Variants in KMT2A observed in about 807,000 individuals in gnomAD.
KMT2A encodes the protein histone-lysine N-methyltransferase 2A.
KMT2A carries 16 observed loss-of-function variants against 345.3 expected under a neutral mutation model. The ratio of observed to expected loss-of-function variants is 0.05; its 90% CI spans 0.03 to 0.07. KMT2A has a LOEUF of 0.07. KMT2A is among the 10% of genes least tolerant of loss of function. The pLI, the probability that KMT2A is intolerant of heterozygous loss-of-function variation, is 1.00. For missense variants in KMT2A, 3,272 were observed against 4,841.6 expected, an observed-to-expected ratio of 0.68 and a Z score of 9.62; for synonymous variants, 1,599 against 1,778.6, an observed-to-expected ratio of 0.90 and a Z score of 2.54.
rs541254946 is a variant in KMT2A, at chr11:118,441,956, C to A, written c.432+5012C>A. Among the ~76,000 whole-genome samples, 10 of 152,294 alleles carry A rather than the reference C, an allele frequency of 6.6e-5. No homozygotes were observed. The South Asian group carries it at 1.5e-3, about 22-fold the overall frequency. On this transcript the variant is annotated intron_variant, in intron 1 of 35. Transcript: ENST00000534358. ...TGCAGACTCTATACCAATTGCCTCC[C>A]TTACCCTGTGGCTAGAGGGGGTGGC...
chr11:118,505,338 T>C lies in KMT2A; in HGVS notation c.9446T>C (p.Phe3149Ser). 6.2e-7 allele frequency: 1 copy of C among 1,614,186 alleles called. No homozygotes were observed. The highest frequency in any genetic ancestry group is 1.3e-5 in the African/African-American group (1 of 75,044). ...NPSLPTSQSL[F>S]PSASKGLLPM... ...AGCTTGCCAACTTCTCAATCTTTGT[T>C]CCCTTCTGCTAGCAAAGGATTGCTA... The change falls in exon 27 of 36, where the codon TTC (phenylalanine) becomes TCC (serine). Residue 3149 changes from phenylalanine (F) to serine (S), a missense_variant. Transcript: ENST00000534358. The surrounding 1 kb of genome is among the most constrained non-coding windows in gnomAD (Gnocchi z 4.6).
chr11:118,450,680 A>G (rs1949517877), intron 1 of KMT2A: 1 of 152,188 alleles, frequency 6.6e-6, no homozygotes, highest in Non-Finnish European at 1.5e-5. Context: ...CAGAGATCAT[A>G]TTTAAACAGT....
intron 1 of KMT2A, among the ~76,000 whole-genome samples, chr11:118,457,571 G>A (rs916977829): frequency 6.6e-6 from 1 of 151,374 alleles, no homozygotes; most frequent in Non-Finnish European, 1.5e-5. Flanking sequence ...ATGCCTGACC[G>A]CCTTTTTTTC....
Position 118,505,732 on chromosome 11 carries a change from A to T in KMT2A, c.9840A>T (p.Ser3280=). 1 of 1,614,106 alleles carries T rather than the reference A, an allele frequency of 6.2e-7. No homozygotes were observed. The highest frequency in any genetic ancestry group is 8.5e-7 in the Non-Finnish European group (1 of 1,180,008). Residue 3280 remains serine, a synonymous_variant, in exon 27 of 36, where the codon TCA becomes TCT. Transcript: ENST00000534358. The surrounding 1 kb of genome is among the most constrained non-coding windows in gnomAD (Gnocchi z 4.6). ...SLLDLGSLNT[S]SHRTVPNIIK... is the part of the protein sequence containing the mutation. ...TAGATTTGGGGTCACTTAATACTTC[A>T]TCTCACCGAACTGTCCCCAACATCA... is the stretch of plus-strand genomic sequence containing the variant.
At chr11:118,477,668 T>A (rs2134285577) in intron 4 of KMT2A, among the ~76,000 whole-genome samples, 1 of 151,586 alleles carries the variant, frequency 6.6e-6, no homozygotes, top group Admixed American at 6.6e-5. Context: ...CCACCATGCC[T>A]GGCTAATTTT....
At position 118,523,540 on chromosome 11, in the gene KMT2A, TAC is replaced by T. The variant is rs1555054358; in HGVS notation, c.*1370_*1371del. The T allele has an allele frequency of 8.9e-6, 2 of 225,034 alleles. No individual in the cohort carries two copies. The highest frequency in any genetic ancestry group is 4.5e-5 in the African/African-American group (2 of 44,892). The allele number at this position is 225,034 out of a possible 1,614,324, so 13.9% of individuals were successfully genotyped here. A position where few individuals can be genotyped will look rare whatever the true frequency, so the allele number is the denominator to read the frequency against. On this transcript the variant is annotated 3_prime_UTR_variant, in exon 36 of 36. Coordinates refer to ENST00000534358, the MANE Select transcript of KMT2A (RefSeq NM_001197104.2). ...TCATTGGATTTTACTCTGTTCTGTT[TAC>T]AGTTTACTATTTAAGGTTTTATAAA...
chr11:118,520,747 A>C lies in KMT2A; in HGVS notation c.11430-55A>C. On this transcript the variant is annotated intron_variant, in intron 33 of 35. Transcript: ENST00000534358. The surrounding 1 kb of genome is among the most constrained non-coding windows in gnomAD (Gnocchi z 4.3). ...TGTCTCTAGGAACCTTCGATTCAAG[A>C]CTCAAAACATTATTTCCTGAAAAAA... 1 of 1,303,664 alleles carries C rather than the reference A, an allele frequency of 7.7e-7. No homozygotes were observed. The highest frequency in any genetic ancestry group is 1.1e-6 in the Non-Finnish European group (1 of 897,296). 80.8% of individuals were successfully genotyped at this position (1,303,664 alleles called of 1,614,324 possible). A position where few individuals can be genotyped will look rare whatever the true frequency, so the allele number is the denominator to read the frequency against.
chr11:118,512,970 G>A (rs1482811024), intron 31 of KMT2A, among the ~76,000 whole-genome samples: 1 of 152,100 alleles, frequency 6.6e-6, no homozygotes, highest in Non-Finnish European at 1.5e-5. Flanking sequence ...TGGATGCTGT[G>A]GCTCACACCT....
intron 10 of KMT2A, 29 bp from the exon 11 acceptor site, chr11:118,488,585 A>G (rs1565291709): frequency 8.1e-6 from 13 of 1,604,252 alleles, no homozygotes; most frequent in Non-Finnish European, 1.0e-5. Context: ...TATTTGACAT[A>G]CTTCTATCTT....
rs782226185 is a variant in KMT2A at position 118,497,192 on chromosome 11, C to T, written c.5665-744C>T. On this transcript the variant is annotated intron_variant, in intron 20 of 35. Coordinates refer to ENST00000534358, the MANE Select transcript of KMT2A (RefSeq NM_001197104.2). This position sits in a 1 kb window ranked among gnomAD's most constrained non-coding sequence, Gnocchi z 4.8. ...GCTAATTTTGTATTTTTAGTAGAGA[C>T]GGAGTTTCTCCATGTTGGTCAGGCT... Among the ~76,000 whole-genome samples the T allele has an allele frequency of 5.3e-5, 8 of 151,880 alleles. No individual in the cohort carries two copies. Among genetic ancestry groups the T allele is most frequent in the African/African-American group, 9.7e-5 (4 of 41,332 alleles).
Position 118,526,538 on chromosome 11 carries a change from C to CT in KMT2A, c.*4367dup. On this transcript the variant is annotated 3_prime_UTR_variant, in exon 36 of 36. Coordinates refer to ENST00000534358, the MANE Select transcript of KMT2A (RefSeq NM_001197104.2). Reference sequence around the variant, plus strand: ...GACAACTTTATCATGTATAACAGATCTGTTTTTTTTCCTTGTGTTCTTCCA... The same window carrying CT: ...GACAACTTTATCATGTATAACAGATCTTGTTTTTTTTCCTTGTGTTCTTCCA... The CT allele has an allele frequency of 4.4e-6, 1 of 228,798 alleles. No individual in the cohort carries two copies. Among genetic ancestry groups the CT allele is most frequent in the Non-Finnish European group, 8.6e-6 (1 of 116,160 alleles). 14.2% of individuals were successfully genotyped at this position (228,798 alleles called of 1,614,324 possible).
chr11:118,490,114 TTTC>T lies in KMT2A; in HGVS notation c.4576-9_4576-7del, dbSNP rs1950302133. 5.6e-6 allele frequency: 9 copies of T among 1,598,218 alleles called. No individual in the cohort carries two copies. In the East Asian group the frequency reaches 1.8e-4, roughly 32 times the overall value. Reference sequence around the variant, plus strand: ...AACAAGAAATTCCTATTGAATTTCTTTTCTTCTTTTCTAGATCTGTACCAAGTG... The same window carrying T: ...AACAAGAAATTCCTATTGAATTTCTTTTCTTTTCTAGATCTGTACCAAGTG... On this transcript the variant is annotated splice_polypyrimidine_tract_variant and intron_variant, in intron 12 of 35. Coordinates refer to ENST00000534358, the MANE Select transcript of KMT2A (RefSeq NM_001197104.2). The surrounding 1 kb of genome is among the most constrained non-coding windows in gnomAD (Gnocchi z 4.2).
chr11:118,521,253 A>C lies in KMT2A; in HGVS notation c.11514-35A>C. The C allele has an allele frequency of 6.2e-7, 1 of 1,609,300 alleles. No homozygotes were observed. The highest frequency in any genetic ancestry group is 8.5e-7 in the Non-Finnish European group (1 of 1,176,534). ...TCACGCACTTAACCTTACTTGCAAA[A>C]TTTGTGTCTGACCTCTTTTCCATCT... On this transcript the variant is annotated intron_variant, in intron 34 of 35. Coordinates refer to ENST00000534358, the MANE Select transcript of KMT2A (RefSeq NM_001197104.2). The surrounding 1 kb of genome is among the most constrained non-coding windows in gnomAD (Gnocchi z 5.3).
In KMT2A at chr11:118,503,399, G is replaced by T; in HGVS notation, c.7507G>T (p.Ala2503Ser). ...CCTTTCTATGCCAGGAGTCCCCAAA[G>T]CTCCACCCATGCAAGTAGAAGGATC... ...KGLSMPGVPK[A>S]PPMQVEGSAK... Residue 2503 changes from alanine to serine, a missense_variant, in exon 27 of 36, where the codon GCT becomes TCT. By Grantham distance (99) the Ala-to-Ser change is moderately conservative. This residue lies in a region of KMT2A where 445 missense variants were observed against 500.9 expected (regional missense o/e 0.89). Coordinates refer to ENST00000534358, the MANE Select transcript of KMT2A (RefSeq NM_001197104.2). This position sits in a 1 kb window ranked among gnomAD's most constrained non-coding sequence, Gnocchi z 5.3. 1 of 1,614,064 alleles carries T rather than the reference G, an allele frequency of 6.2e-7. No homozygotes were observed. Among genetic ancestry groups the T allele is most frequent in the Non-Finnish European group, 8.5e-7 (1 of 1,180,006 alleles).
At chr11:118,482,155 C>G in intron 7 of KMT2A, 63 bp downstream of exon 7, 10 of 1,501,566 alleles carry the variant, frequency 6.7e-6, no homozygotes, top group Non-Finnish European at 8.9e-6. Context: ...GCACTGATGT[C>G]TCAAACAGCA....
In KMT2A at chr11:118,503,224, T is replaced by C. The variant is rs782739191; in HGVS notation, c.7332T>C (p.His2444=). ...GTAAAGAAACTTTCAAAGAAAAGCA[T>C]TCCAGTAAATCTTTTTTGGAACCTG... ...KSCKETFKEK[H]SSKSFLEPGQ... The change falls in exon 27 of 36, where the codon CAT becomes CAC. Residue 2444 remains histidine, a synonymous_variant. Coordinates refer to ENST00000534358, the MANE Select transcript of KMT2A (RefSeq NM_001197104.2). The surrounding 1 kb of genome is among the most constrained non-coding windows in gnomAD (Gnocchi z 5.3). 6.2e-7 allele frequency: 1 copy of C among 1,613,980 alleles called. No homozygotes were observed. Among genetic ancestry groups the C allele is most frequent in the East Asian group, 2.2e-5 (1 of 44,894 alleles).
At chr11:118,437,268 C>A (rs888389436) in intron 1 of KMT2A, among the ~76,000 whole-genome samples, 2 of 151,866 alleles carry the variant, frequency 1.3e-5, no homozygotes, top group African/African-American at 4.8e-5. Context: ...CACAGATTAC[C>A]TCATCCGAGC....
chr11:118,508,021 A>T (rs1344997497), intron 28 of KMT2A, among the ~76,000 whole-genome samples: 1 of 152,214 alleles, frequency 6.6e-6, no homozygotes, highest in Non-Finnish European at 1.5e-5. Context: ...TTTCTTGCCA[A>T]AGTTTTTTAA....
rs188240343 is a variant in KMT2A at position 118,460,487 on chromosome 11, C to T, written c.433-8288C>T. Among the ~76,000 whole-genome samples, 162 of 152,152 alleles carry T rather than the reference C, an allele frequency of 1.1e-3. 2 individuals carry two copies. Among genetic ancestry groups the T allele is most frequent in the African/African-American group, 3.6e-3 (149 of 41,488 alleles). On this transcript the variant is annotated intron_variant, in intron 1 of 35. Coordinates refer to ENST00000534358, the MANE Select transcript of KMT2A (RefSeq NM_001197104.2). ...ATTTTTAGTGGAGATGGGGGTCTCA[C>T]CATGTTGCCCAGCCTGGTCTCAAAC...
Sources: allele counts gnomAD v4.1 joint callset (sites outside exome capture counted in the v4.1 genomes callset), GRCh38; gene constraint gnomAD v4.1.1; regional missense constraint gnomAD v4.1.1; non-coding constraint Gnocchi (gnomAD v3.1); transcripts MANE v1.5; gene names NCBI Gene and HGNC (gene_info 2026-07-23, HGNC 2026-07-21).